Variants in MEF2A observed in about 807,000 individuals in gnomAD.
The protein encoded by MEF2A is myocyte-specific enhancer factor 2A.
In MEF2A, 28 loss-of-function variants were observed where a neutral mutation model predicts 55.8. The observed-to-expected ratio is 0.50, with a 90% CI of 0.37 to 0.69. MEF2A has a LOEUF of 0.69. Ranked by LOEUF, MEF2A falls within the 30% of genes least tolerant of loss-of-function variation. The pLI, the probability that MEF2A is intolerant of heterozygous loss-of-function variation, is 0.00. For synonymous variants in MEF2A, 239 were observed against 227.1 expected (o/e 1.05, Z -0.47); for missense variants, 528 against 626.2 (o/e 0.84, Z 1.67).
chr15:99,593,890 GT>G, intron 1 of MEF2A, among the ~76,000 whole-genome samples: 1 of 152,070 alleles, frequency 6.6e-6, no homozygotes, highest in East Asian at 1.9e-4. Flanking sequence ...AAGATGTTTT[GT>G]TTTGTTTTTA....
rs2058779573 is a variant in MEF2A, at chr15:99,712,557, CCCA to C, written c.1305_1307del (p.Gln436del). 1.3e-6 allele frequency: 2 copies of C among 1,550,444 alleles called. No individual in the cohort carries two copies. Among genetic ancestry groups the C allele is most frequent in the African/African-American group, 2.7e-5 (2 of 72,920 alleles). ...CAGCAGCCGCCGCCACCACCGCAGC[CCCA>C]GCCACAACCCCCGCAGCCCCAGCCC... On this transcript the variant is annotated inframe_deletion, in exon 12 of 12. Coordinates refer to ENST00000557942, the MANE Select transcript of MEF2A (RefSeq NM_001319206.4). This position sits in a 1 kb window ranked among gnomAD's most constrained non-coding sequence, Gnocchi z 4.1.
At chr15:99,643,793 G>C (rs957747657) in intron 3 of MEF2A, among the ~76,000 whole-genome samples, 3 of 151,984 alleles carry the variant, frequency 2.0e-5, no homozygotes, top group Non-Finnish European at 2.9e-5. Context: ...GGGTTTCGTA[G>C]TGTTAGCCAA....
At chr15:99,695,541 T>TGTGTGTGTGTGTGTGTGTGTG (rs1555498137) in intron 8 of MEF2A, among the ~76,000 whole-genome samples, 3 of 144,778 alleles carry the variant, frequency 2.1e-5, no homozygotes, top group Non-Finnish European at 4.6e-5. Flanking sequence ...ATTGTCAGAT[T>TGTGTGTGTGTGTGTGTGTGTG]TGTGTGTGTG....
chr15:99,672,690 G>A (rs1436713511), intron 5 of MEF2A, among the ~76,000 whole-genome samples: 1 of 152,148 alleles, frequency 6.6e-6, no homozygotes, highest in African/African-American at 2.4e-5. Flanking sequence ...TCAGATTTGG[G>A]ATTTTTTTCA....
Position 99,712,808 on chromosome 15 carries a change from C to T in MEF2A, c.*37C>T. ...TGATGTTTGTACTTTTGTGTTACTG[C>T]AGTGACCTGCCCTACATATCTAAAT... is the stretch of plus-strand genomic sequence containing the variant. On this transcript the variant is annotated 3_prime_UTR_variant, in exon 12 of 12. Transcript: ENST00000557942. This position sits in a 1 kb window ranked among gnomAD's most constrained non-coding sequence, Gnocchi z 4.1. The T allele has an allele frequency of 1.9e-6, 3 of 1,541,078 alleles. No individual in the cohort carries two copies. Among genetic ancestry groups the T allele is most frequent in the South Asian group, 1.2e-5 (1 of 82,832 alleles).
chr15:99,636,630 C>T (rs1182593877), intron 3 of MEF2A, among the ~76,000 whole-genome samples: 1 of 152,040 alleles, frequency 6.6e-6, no homozygotes, highest in Non-Finnish European at 1.5e-5. Context: ...TGAGCCACCA[C>T]ACCAGGCCTA....
intron 1 of MEF2A, among the ~76,000 whole-genome samples, chr15:99,574,319 G>A (rs569698319): frequency 1.3e-5 from 2 of 152,278 alleles, no homozygotes; most frequent in South Asian, 2.1e-4. Context: ...GACCAGTTTC[G>A]TGGAAGACAA....
chr15:99,708,099 G>T (rs1210932769), intron 10 of MEF2A, among the ~76,000 whole-genome samples: 1 of 152,238 alleles, frequency 6.6e-6, no homozygotes, highest in East Asian at 1.9e-4. Context: ...AGCCAGGGAT[G>T]AAGCATTCAT....
chr15:99,650,642 A>G (rs1275183113), intron 4 of MEF2A, among the ~76,000 whole-genome samples: 3 of 152,248 alleles, frequency 2.0e-5, no homozygotes, highest in East Asian at 3.8e-4. Flanking sequence ...TCAAATTACA[A>G]AAGAATTTGG....
At chr15:99,587,193 G>T (rs1596304958) in intron 1 of MEF2A, among the ~76,000 whole-genome samples, 1 of 151,958 alleles carries the variant, frequency 6.6e-6, no homozygotes, top group Non-Finnish European at 1.5e-5. Context: ...TTCTCATAAT[G>T]CTATCCCTCC....
At chr15:99,649,914 T>C (rs2046563928) in intron 4 of MEF2A, among the ~76,000 whole-genome samples, 1 of 152,180 alleles carries the variant, frequency 6.6e-6, no homozygotes, top group Admixed American at 6.5e-5. Context: ...ATATTGAAAA[T>C]ACTAAATATT....
intron 4 of MEF2A, among the ~76,000 whole-genome samples, chr15:99,662,633 G>A (rs1421575804): frequency 6.6e-6 from 1 of 151,858 alleles, no homozygotes; most frequent in Non-Finnish European, 1.5e-5. Context: ...CTGCCACTAC[G>A]CCCAGCTAAT....
At chr15:99,589,050 G>GT (rs889012389) in intron 1 of MEF2A, among the ~76,000 whole-genome samples, 5 of 152,054 alleles carry the variant, frequency 3.3e-5, no homozygotes, top group Admixed American at 6.6e-5. Flanking sequence ...CCTCATTTTG[G>GT]TATCAGGGTT....
chr15:99,702,177 G>C (rs569642787), intron 8 of MEF2A, among the ~76,000 whole-genome samples: 1 of 152,318 alleles, frequency 6.6e-6, no homozygotes, highest in South Asian at 2.1e-4. Context: ...GCCCACATTG[G>C]AGATAGCAGT....
intron 4 of MEF2A, chr15:99,657,480 A>G (rs2153551310): frequency 6.6e-6 from 1 of 152,246 alleles, no homozygotes; most frequent in Admixed American, 6.5e-5. Flanking sequence ...CAGAACAAAA[A>G]AACTTTTTTA....
chr15:99,577,946 C>A (rs1300327745), intron 1 of MEF2A, among the ~76,000 whole-genome samples: 1 of 152,132 alleles, frequency 6.6e-6, no homozygotes. Flanking sequence ...ATGTTTATAT[C>A]AGGGGCTACA....
At chr15:99,571,200 A>G (rs984461817) in intron 1 of MEF2A, among the ~76,000 whole-genome samples, 16 of 151,810 alleles carry the variant, frequency 1.1e-4, no homozygotes, top group African/African-American at 7.3e-5. Context: ...AAAAAAAACA[A>G]CAACAACAAC....
chr15:99,656,768 A>G (rs2047788871), intron 4 of MEF2A, among the ~76,000 whole-genome samples: 1 of 152,166 alleles, frequency 6.6e-6, no homozygotes, highest in South Asian at 2.1e-4. Flanking sequence ...TGGTAGGCAT[A>G]CCTGAGATTA....
At chr15:99,657,083 C>T (rs1472774603) in intron 4 of MEF2A, among the ~76,000 whole-genome samples, 1 of 152,070 alleles carries the variant, frequency 6.6e-6, no homozygotes, top group Non-Finnish European at 1.5e-5. Context: ...AGCTTTTTCA[C>T]TTAGCATAAT....
Sources: allele counts gnomAD v4.1 joint callset (sites outside exome capture counted in the v4.1 genomes callset), GRCh38; gene constraint gnomAD v4.1.1; non-coding constraint Gnocchi (gnomAD v3.1); transcripts MANE v1.5; gene names NCBI Gene and HGNC (gene_info 2026-07-23, HGNC 2026-07-21).